The following MASP2 variants were observed in gnomAD, a reference collection of about 807,000 sequenced individuals.
MASP2 encodes MBL associated serine protease 2, also known as mannan-binding lectin serine protease 2.
Under a neutral mutation model 57.1 loss-of-function variants are expected in MASP2, and 49 were observed. That is an observed-to-expected ratio of 0.86 (90% CI 0.68 to 1.09). MASP2 has a LOEUF of 1.09. MASP2 is among the 50% of genes least tolerant of loss of function. The pLI is 0.00. For synonymous variants in MASP2, 379 were observed against 340.8 expected (o/e 1.11, Z -1.24); for missense variants, 900 against 874.8 (o/e 1.03, Z -0.36).
intron 8 of MASP2, among the ~76,000 whole-genome samples, chr1:11,031,247 G>A (rs1287125210): frequency 6.6e-6 from 1 of 151,768 alleles, no homozygotes; most frequent in Non-Finnish European, 1.5e-5. Flanking sequence ...TCTGCGGCCG[G>A]GCGCGATGGC....
At chr1:11,037,186 G>A (rs1488843595) in intron 7 of MASP2, among the ~76,000 whole-genome samples, 1 of 152,088 alleles carries the variant, frequency 6.6e-6, no homozygotes, top group African/African-American at 2.4e-5. Context: ...CCGAGTAGCT[G>A]GGATTACAGG....
Position 11,045,446 on chromosome 1 carries a change from G to C in MASP2, c.506C>G (p.Ala169Gly), listed in dbSNP as rs774524961. Reference protein sequence around the residue: ...HLGGFYCSCRAGYVLHRNKRT... With the variant: ...HLGGFYCSCRGGYVLHRNKRT... Reference sequence around the variant, plus strand: ...CTTGTTACGGTGCAGGACGTAGCCTGCGCGGCAGGAGCAGTAGAAACCGCC... The same window carrying C: ...CTTGTTACGGTGCAGGACGTAGCCTCCGCGGCAGGAGCAGTAGAAACCGCC... The change falls in exon 4 of 11, where the codon GCA (alanine) becomes GGA (glycine). Residue 169 changes from alanine to glycine, a missense_variant. Ala to Gly is a moderately conservative substitution (Grantham distance 60). Coordinates refer to ENST00000400897, the MANE Select transcript of MASP2 (RefSeq NM_006610.4). 6.1e-5 allele frequency: 99 copies of C among 1,613,134 alleles called. No individual in the cohort carries two copies. Among genetic ancestry groups the C allele is most frequent in the Non-Finnish European group, 7.9e-5 (93 of 1,179,978 alleles).
chr1:11,045,420 G>A lies in MASP2; in HGVS notation c.532C>T (p.Arg178Cys), dbSNP rs770109242. 24 of 1,613,048 alleles carry A rather than the reference G, an allele frequency of 1.5e-5. No homozygotes were observed. The African/African-American group carries it at 1.9e-4, about 13-fold the overall frequency. Reference protein sequence around the residue: ...RAGYVLHRNKRTCSALCSGQV... With the variant: ...RAGYVLHRNKCTCSALCSGQV... The stretch of plus-strand genomic sequence containing the variant: ...CAGCCTCCCTCACCTGAGCAGGTGC[G>A]CTTGTTACGGTGCAGGACGTAGCCT... The change falls in exon 4 of 11, where the codon CGC becomes TGC. Residue 178 changes from arginine (R) to cysteine (C), a missense_variant. By Grantham distance (180) the Arg-to-Cys change is radical. Transcript: ENST00000400897.
intron 6 of MASP2, among the ~76,000 whole-genome samples, chr1:11,042,460 T>TG (rs74810561): frequency 1 from 150,429 of 151,134 alleles, 74,864 homozygotes; most frequent in Middle Eastern, 1. Context: ...GAAGGATGGG[T>TG]GGTAGAAGGA....
chr1:11,043,085 A>G (rs1638510380), intron 5 of MASP2, 63 bp from the exon 6 acceptor site: 1 of 1,560,224 alleles, frequency 6.4e-7, no homozygotes, highest in Admixed American at 1.7e-5. Flanking sequence ...GCCGGAGGGA[A>G]GTAACCCACC....
rs1310619935 is a variant in MASP2 at position 11,027,272 on chromosome 1, A to C, written c.1674T>G (p.Ala558=). ...TGTCATCTGTCCTCATAAAGGATTC[A>C]GCTTCTTTTCTTGGCAGACAAATAG... ...ITPICLPRKE[A]ESFMRTDDIG... is the part of the protein sequence containing the mutation. Residue 558 remains alanine (A), a synonymous_variant, in exon 11 of 11, where the codon GCT becomes GCG. Coordinates refer to ENST00000400897, the MANE Select transcript of MASP2 (RefSeq NM_006610.4). The C allele has an allele frequency of 1.2e-6, 2 of 1,614,062 alleles. No homozygotes were observed. Among genetic ancestry groups the C allele is most frequent in the South Asian group, 2.2e-5 (2 of 91,060 alleles).
intron 10 of MASP2, among the ~76,000 whole-genome samples, chr1:11,028,697 G>GTTT (rs1208974169): frequency 0.011 from 387 of 36,066 alleles, 17 homozygotes; most frequent in African/African-American, 0.037. Context: ...ATCTTTCTGG[G>GTTT]TTTTTTTTCT....
At chr1:11,046,372 A>G (rs1638637522) in intron 3 of MASP2, 184 bp downstream of exon 3, 1 of 666,254 alleles carries the variant, frequency 1.5e-6, no homozygotes, top group African/African-American at 1.8e-5. Context: ...GTTGGCACTC[A>G]GCCCATGTGA....
At position 11,034,905 on chromosome 1, in the gene MASP2, C is replaced by G; in HGVS notation, c.1010G>C (p.Gly337Ala). The change falls in exon 8 of 11, where the codon GGT becomes GCT. Residue 337 changes from glycine (G) to alanine (A), a missense_variant and splice_region_variant. Coordinates refer to ENST00000400897, the MANE Select transcript of MASP2 (RefSeq NM_006610.4). ...FCETGYELLQ[G>A]HLPLKSFTAV... ...AGTAAAGGATTTCAGGGGCAAGTGA[C>G]CCTAAAGAAGAATTCAGAATATATT... is the stretch of plus-strand genomic sequence containing the variant. 3 of 1,607,356 alleles carry G rather than the reference C, an allele frequency of 1.9e-6. No individual in the cohort carries two copies. The highest frequency in any genetic ancestry group is 2.6e-6 in the Non-Finnish European group (3 of 1,175,880).
chr1:11,037,864 G>C, intron 6 of MASP2, 53 bp from the exon 7 acceptor site: 1 of 1,020,632 alleles, frequency 9.8e-7, no homozygotes, highest in African/African-American at 1.6e-5. Context: ...CAGCAGCCAA[G>C]ACTGAATCGA....
At chr1:11,041,662 A>G (rs375197856) in intron 6 of MASP2, among the ~76,000 whole-genome samples, 1 of 22,644 alleles carries the variant, frequency 4.4e-5, no homozygotes, top group African/African-American at 1.9e-4. Context: ...TAGAAGGATG[A>G]GTGAATGGAT....
At chr1:11,034,716 G>GAAAA (rs1240426979) in intron 8 of MASP2, 112 bp downstream of exon 8, 1 of 693,022 alleles carries the variant, frequency 1.4e-6, no homozygotes, top group African/African-American at 2.0e-5. Context: ...AAAAAAAAAG[G>GAAAA]GAAAGAAAAA....
chr1:11,043,295 G>A lies in MASP2; in HGVS notation c.741+44C>T, dbSNP rs3737612. On this transcript the variant is annotated intron_variant, in intron 5 of 10. Coordinates refer to ENST00000400897, the MANE Select transcript of MASP2 (RefSeq NM_006610.4). ...AGGAAGTAGGGGGTGCAGCTGGGCT[G>A]AGGGGGAGGATCTGGGACAAGATGA... 310 of 1,535,140 alleles carry A rather than the reference G, an allele frequency of 2.0e-4. 1 individual carries two copies. The East Asian group carries it at 5.9e-3, about 29-fold the overall frequency.
At chr1:11,042,381 G>A (rs1188237290) in intron 6 of MASP2, among the ~76,000 whole-genome samples, 1 of 148,836 alleles carries the variant, frequency 6.7e-6, no homozygotes, top group Non-Finnish European at 1.5e-5. Flanking sequence ...AAGGATGAGT[G>A]AATGGATAGA....
chr1:11,030,943 G>GT (rs1478756115), intron 8 of MASP2, 61 bp from the exon 9 acceptor site: 18 of 1,556,776 alleles, frequency 1.2e-5, no homozygotes, highest in Admixed American at 1.9e-5. Flanking sequence ...CTTTCCAAAG[G>GT]TCTGGAGAAG....
Position 11,037,694 on chromosome 1 carries a change from T to C in MASP2, c.1007A>G (p.Gln336Arg). Reference protein sequence around the residue: ...IFCETGYELLQGHLPLKSFTA... With the variant: ...IFCETGYELLRGHLPLKSFTA... ...GTGGTGTACTTTGTTTTAACTCACT[T>C]GCAGAAGCTCATAGCCAGTCTCGCA... The change falls in exon 7 of 11, where the codon CAA becomes CGA. Residue 336 changes from glutamine to arginine, a missense_variant and splice_region_variant. Physicochemically the swap from Gln to Arg is conservative, Grantham distance 43. Transcript: ENST00000400897. 6.3e-7 allele frequency: 1 copy of C among 1,599,000 alleles called. No individual in the cohort carries two copies. The highest frequency in any genetic ancestry group is 2.2e-5 in the East Asian group (1 of 44,626).
At position 11,043,460 on chromosome 1, in the gene MASP2, T is replaced by C. The variant is rs747850339; in HGVS notation, c.620A>G (p.Lys207Arg). Reference sequence around the variant, plus strand: ...GATGCTGTAAGTGCAACTGGAGAGTTTGGGATACGGCCGTGGGTATTCAGG... The same window carrying C: ...GATGCTGTAAGTGCAACTGGAGAGTCTGGGATACGGCCGTGGGTATTCAGG... ...SSPEYPRPYP[K>R]LSSCTYSISL... Residue 207 changes from lysine (K) to arginine (R), a missense_variant, in exon 5 of 11, where the codon AAA becomes AGA. Transcript: ENST00000400897. 34 of 1,610,864 alleles carry C rather than the reference T, an allele frequency of 2.1e-5. No individual in the cohort carries two copies. Among genetic ancestry groups the C allele is most frequent in the Non-Finnish European group, 2.7e-5 (32 of 1,179,018 alleles).
In MASP2 at chr1:11,047,086, C is replaced by T. The variant is rs748680631; in HGVS notation, c.39G>A (p.Ser13=). The part of the protein sequence containing the change: ...LLTLLGLLCG[S]VATPLGPKWP... Reference sequence around the variant, plus strand: ...ACTTCGGGCCCAAGGGGGTGGCCACCGAGCCACACAGAAGGCCCAGGAGGG... The same window carrying T: ...ACTTCGGGCCCAAGGGGGTGGCCACTGAGCCACACAGAAGGCCCAGGAGGG... Residue 13 remains serine, a synonymous_variant, in exon 2 of 11, where the codon TCG becomes TCA. Transcript: ENST00000400897. 4.1e-5 allele frequency: 63 copies of T among 1,548,228 alleles called. No homozygotes were observed. Among genetic ancestry groups the T allele is most frequent in the South Asian group, 3.7e-4 (31 of 83,918 alleles).
chr1:11,043,341 TG>T lies in MASP2; in HGVS notation c.738del (p.Lys247ArgfsTer28), dbSNP rs756305173. 28 of 1,597,980 alleles carry T rather than the reference TG, an allele frequency of 1.8e-5. No homozygotes were observed. The highest frequency in any genetic ancestry group is 2.4e-5 in the Non-Finnish European group (28 of 1,169,970). ...GATGAGGGGCCCAGGAGCCAGACCT[TG>T]AGAAAGTCGTAGGGACACAGGGTTT... Reference protein sequence around the residue: ...HPETLCPYDFLKIQTDREEHG... With the variant: ...HPETLCPYDFXKIQTDREEHG... On this transcript the variant is annotated frameshift_variant, in exon 5 of 11. Transcript: ENST00000400897. LOFTEE classifies it high-confidence loss of function.
Sources: allele counts gnomAD v4.1 joint callset (sites outside exome capture counted in the v4.1 genomes callset), GRCh38; gene constraint gnomAD v4.1.1; transcripts MANE v1.5; gene names NCBI Gene and HGNC (gene_info 2026-07-23, HGNC 2026-07-21).